PARVA: variants seen among roughly 807,000 people sequenced by gnomAD.
PARVA encodes the protein alpha-parvin.
A neutral mutation model predicts 52.6 loss-of-function variants in PARVA; 25 were observed. The observed-to-expected ratio is 0.48, with a 90% confidence interval of 0.35 to 0.66. The LOEUF is 0.66. Among genes scored for constraint, PARVA ranks in the 30% least tolerant of loss-of-function variants. The pLI is 0.01. For synonymous variants in PARVA, 185 were observed against 179.1 expected, an observed-to-expected ratio of 1.03 and a Z score of -0.26; for missense variants, 373 against 450.9, an observed-to-expected ratio of 0.83 and a Z score of 1.56.
At chr11:12,493,767 C>G (rs1414903966) in intron 4 of PARVA, among the ~76,000 whole-genome samples, 1 of 152,188 alleles carries the variant, frequency 6.6e-6, no homozygotes, top group African/African-American at 2.4e-5. Context: ...TCTCTATACT[C>G]CTAACACTTC....
In PARVA at chr11:12,518,482, A is replaced by T. The variant is rs878857923; in HGVS notation, c.1007A>T (p.Asp336Val). The change falls in exon 12 of 13, where the codon GAT becomes GTT. Residue 336 changes from aspartate (D) to valine (V), a missense_variant. By Grantham distance (152) the Asp-to-Val change is radical. Transcript: ENST00000334956. ...NVSFAFELMQ[D>V]GGLEKPKPRP... is the part of the protein sequence containing the mutation. ...TCCTTTGCCTTTGAGCTCATGCAAGATGGAGGGTTGGAAAAGCCAAAACCG... is the reference window on the plus strand; with the variant it reads ...TCCTTTGCCTTTGAGCTCATGCAAGTTGGAGGGTTGGAAAAGCCAAAACCG... The T allele has an allele frequency of 1.6e-5, 26 of 1,613,638 alleles. No homozygotes were observed. The highest frequency in any genetic ancestry group is 1.9e-5 in the Non-Finnish European group (22 of 1,179,818).
rs190151516 is a variant in PARVA at position 12,456,887 on chromosome 11, T to C, written c.137-16858T>C. On this transcript the variant is annotated intron_variant, in intron 1 of 12. Coordinates refer to ENST00000334956, the MANE Select transcript of PARVA (RefSeq NM_018222.5). The stretch of plus-strand genomic sequence containing the variant: ...AGCACAGGGCCTGACCTGGGAACAT[T>C]GGTCAGCAATGCTGTCAAATGCACA... Among the ~76,000 whole-genome samples the C allele has an allele frequency of 3.8e-3, 582 of 152,314 alleles. 4 individuals are homozygous for C. The highest frequency in any genetic ancestry group is 6.4e-3 in the Non-Finnish European group (437 of 68,028).
At chr11:12,509,482 G>C (rs1444554229) in intron 7 of PARVA, among the ~76,000 whole-genome samples, 3 of 152,130 alleles carry the variant, frequency 2.0e-5, no homozygotes, top group African/African-American at 7.2e-5. Context: ...CTCTGTAGCT[G>C]CTGTTCCATC....
intron 4 of PARVA, among the ~76,000 whole-genome samples, chr11:12,488,112 G>A (rs960292510): frequency 6.6e-6 from 1 of 152,106 alleles, no homozygotes; most frequent in Non-Finnish European, 1.5e-5. Context: ...ACTTAAATAT[G>A]ATAAAGACCA....
At chr11:12,459,526 G>C (rs1940746626) in intron 1 of PARVA, among the ~76,000 whole-genome samples, 1 of 152,154 alleles carries the variant, frequency 6.6e-6, no homozygotes, top group African/African-American at 2.4e-5. Flanking sequence ...TGGTCTGCCT[G>C]TGAGCACCCA....
At chr11:12,522,504 C>G (rs1319619545) in intron 12 of PARVA, among the ~76,000 whole-genome samples, 1 of 150,892 alleles carries the variant, frequency 6.6e-6, no homozygotes, top group Non-Finnish European at 1.5e-5. Context: ...CTGGAACCTT[C>G]CCCTCCCAGG....
chr11:12,440,131 G>A (rs1940443228), intron 1 of PARVA, among the ~76,000 whole-genome samples: 1 of 152,174 alleles, frequency 6.6e-6, no homozygotes, highest in African/African-American at 2.4e-5. Flanking sequence ...CTTGACCATT[G>A]TATATGCTCA....
intron 4 of PARVA, chr11:12,480,615 C>G (rs769994963): frequency 6.6e-6 from 1 of 152,070 alleles, no homozygotes; most frequent in African/African-American, 2.4e-5. Flanking sequence ...TGCAACCCCA[C>G]GTTAGGCATT....
intron 1 of PARVA, among the ~76,000 whole-genome samples, chr11:12,411,868 G>GC (rs1939996587): frequency 2.0e-5 from 3 of 152,052 alleles, no homozygotes; most frequent in Admixed American, 1.3e-4. Context: ...TCCAAGCCCT[G>GC]CCCACATCAC....
At chr11:12,446,851 T>G (rs1404906841) in intron 1 of PARVA, among the ~76,000 whole-genome samples, 3 of 152,228 alleles carry the variant, frequency 2.0e-5, no homozygotes, top group Non-Finnish European at 4.4e-5. Flanking sequence ...ATTCTCAATG[T>G]AGCCAGGTTT....
At chr11:12,525,403 G>A (rs1941687906) in intron 12 of PARVA, among the ~76,000 whole-genome samples, 1 of 152,126 alleles carries the variant, frequency 6.6e-6, no homozygotes, top group Non-Finnish European at 1.5e-5. Flanking sequence ...AGAATGGTTT[G>A]GAAAGGGTAA....
At chr11:12,451,355 T>G (rs1940621547) in intron 1 of PARVA, among the ~76,000 whole-genome samples, 1 of 152,142 alleles carries the variant, frequency 6.6e-6, no homozygotes, top group Non-Finnish European at 1.5e-5. Flanking sequence ...GCCTTATGAC[T>G]TGCTCTCAGA....
At chr11:12,483,139 C>G (rs1941110703) in intron 4 of PARVA, among the ~76,000 whole-genome samples, 1 of 152,210 alleles carries the variant, frequency 6.6e-6, no homozygotes. Context: ...ACCCTTCTCA[C>G]AGGCCCCAGG....
At chr11:12,477,704 G>C in intron 3 of PARVA, 143 bp from the exon 4 acceptor site, 1 of 586,584 alleles carries the variant, frequency 1.7e-6, no homozygotes, top group Non-Finnish European at 3.1e-6. Flanking sequence ...GCAACATAGT[G>C]AGACCCCATC....
At position 12,377,683 on chromosome 11, in the gene PARVA, C is replaced by G; in HGVS notation, c.36C>G (p.Pro12=). 6.4e-7 allele frequency: 1 copy of G among 1,569,146 alleles called. No individual in the cohort carries two copies. Among genetic ancestry groups the G allele is most frequent in the East Asian group, 2.6e-5 (1 of 38,762 alleles). Residue 12 remains proline (P), a synonymous_variant, in exon 1 of 13, where the codon CCC becomes CCG. Coordinates refer to ENST00000334956, the MANE Select transcript of PARVA (RefSeq NM_018222.5). ...CCCCGCAGAAGTCGCCTTCTGTCCC[C>G]AAGTCTCCCACTCCCAAGTCGCCCC... is the stretch of plus-strand genomic sequence containing the variant. The part of the protein sequence containing the change: ...ATSPQKSPSV[P]KSPTPKSPPS...
intron 1 of PARVA, among the ~76,000 whole-genome samples, chr11:12,393,044 G>GAAA (rs60966710): frequency 1.4e-3 from 66 of 46,084 alleles, no homozygotes; most frequent in East Asian, 2.4e-3. Context: ...CCCAAATTGT[G>GAAA]AAAAAAAAAA....
At chr11:12,456,143 C>A (rs1034058245) in intron 1 of PARVA, among the ~76,000 whole-genome samples, 3 of 152,190 alleles carry the variant, frequency 2.0e-5, no homozygotes, top group Non-Finnish European at 2.9e-5. Flanking sequence ...CATCACTGGG[C>A]AGTCCTTCCC....
At chr11:12,476,133 A>G (rs1287357744) in intron 3 of PARVA, among the ~76,000 whole-genome samples, 2 of 152,140 alleles carry the variant, frequency 1.3e-5, no homozygotes, top group Non-Finnish European at 2.9e-5. Flanking sequence ...TTAGGCTTCA[A>G]TGTTGATCTC....
chr11:12,409,551 C>T (rs1939963674), intron 1 of PARVA, among the ~76,000 whole-genome samples: 1 of 152,074 alleles, frequency 6.6e-6, no homozygotes, highest in Non-Finnish European at 1.5e-5. Flanking sequence ...AAGAAAGAGT[C>T]AGAAGGAAGT....
Sources: allele counts gnomAD v4.1 joint callset (sites outside exome capture counted in the v4.1 genomes callset), GRCh38; gene constraint gnomAD v4.1.1; transcripts MANE v1.5; gene names NCBI Gene and HGNC (gene_info 2026-07-23, HGNC 2026-07-21).